Variants in LMNTD1 observed in about 807,000 individuals in gnomAD.
LMNTD1 encodes lamin tail domain containing 1, also known as lamin tail domain-containing protein 1.
LMNTD1 carries 35 observed loss-of-function variants against 50.9 expected under a neutral mutation model. The observed-to-expected ratio is 0.69, with a 90% CI of 0.53 to 0.91. The LOEUF (loss-of-function observed/expected upper bound fraction) is 0.91, where lower values mean the gene tolerates loss of function less well. LMNTD1 is among the 40% of genes least tolerant of loss of function. The pLI is 0.00. For missense variants in LMNTD1, 470 were observed against 475.5 expected (o/e 0.99, Z 0.11); for synonymous variants, 153 against 161.9 (o/e 0.94, Z 0.42).
intron 9 of LMNTD1, among the ~76,000 whole-genome samples, chr12:25,490,295 A>G (rs1194919011): frequency 1.3e-5 from 2 of 151,050 alleles, no homozygotes; most frequent in African/African-American, 4.9e-5. Flanking sequence ...GGGAAGTTCA[A>G]AGAGGGTCTA....
At chr12:25,615,232 A>T (rs536365024) in intron 1 of LMNTD1, among the ~76,000 whole-genome samples, 1 of 152,302 alleles carries the variant, frequency 6.6e-6, no homozygotes, top group African/African-American at 2.4e-5. Context: ...TGTGGGTCAC[A>T]TGCTGACCAT....
intron 1 of LMNTD1, among the ~76,000 whole-genome samples, chr12:25,639,424 C>T (rs144786891): frequency 1.3e-5 from 2 of 152,162 alleles, no homozygotes; most frequent in South Asian, 2.1e-4. Context: ...ATAAAAATCA[C>T]GTGTCCAGAA....
chr12:25,585,386 G>C (rs999461569), intron 1 of LMNTD1, among the ~76,000 whole-genome samples: 5 of 152,154 alleles, frequency 3.3e-5, no homozygotes, highest in African/African-American at 1.2e-4. Context: ...AAAATCACAT[G>C]CTGCTGCGAT....
At chr12:25,492,771 A>G (rs1938928696) in intron 9 of LMNTD1, among the ~76,000 whole-genome samples, 1 of 152,190 alleles carries the variant, frequency 6.6e-6, no homozygotes, top group African/African-American at 2.4e-5. Flanking sequence ...ATCTCTCACT[A>G]TCCTACATGC....
At chr12:25,498,743 G>C (rs1055691196) in intron 9 of LMNTD1, among the ~76,000 whole-genome samples, 3 of 152,166 alleles carry the variant, frequency 2.0e-5, no homozygotes, top group Admixed American at 2.0e-4. Flanking sequence ...AATGGTGACA[G>C]TAAAGTCCTA....
intron 4 of LMNTD1, 78 bp downstream of exon 4, chr12:25,546,296 G>C: frequency 1.2e-6 from 1 of 828,510 alleles, no homozygotes; most frequent in East Asian, 2.8e-5. Flanking sequence ...TATAACTACA[G>C]ATTAGAACTT....
chr12:25,647,868 CAAAT>C (rs1947107521), intron 1 of LMNTD1, among the ~76,000 whole-genome samples: 1 of 152,162 alleles, frequency 6.6e-6, no homozygotes, highest in Non-Finnish European at 1.5e-5. Flanking sequence ...TAGGAACTGT[CAAAT>C]AACGTTCAAA....
chr12:25,614,807 G>A (rs278997), intron 1 of LMNTD1, among the ~76,000 whole-genome samples: 14,084 of 152,066 alleles, frequency 0.093, 1,043 homozygotes, highest in African/African-American at 0.21. Flanking sequence ...TCATACTTCT[G>A]GAAACTGGAA....
intron 1 of LMNTD1, chr12:25,648,392 A>T: frequency 1.1e-6 from 1 of 924,310 alleles, no homozygotes. Flanking sequence ...GTGATGACAG[A>T]TATGACCACT....
At chr12:25,610,057 G>T (rs554210673) in intron 1 of LMNTD1, among the ~76,000 whole-genome samples, 1 of 152,140 alleles carries the variant, frequency 6.6e-6, no homozygotes, top group African/African-American at 2.4e-5. Context: ...AATGGCGGAC[G>T]CCCCTTCCCC....
At chr12:25,539,158 A>G (rs991218400) in intron 4 of LMNTD1, among the ~76,000 whole-genome samples, 3 of 145,964 alleles carry the variant, frequency 2.1e-5, no homozygotes, top group Non-Finnish European at 3.0e-5. Context: ...AACATTAGAC[A>G]GATCAACGAG....
At chr12:25,622,408 AAC>A (rs1946489673) in intron 1 of LMNTD1, among the ~76,000 whole-genome samples, 1 of 151,814 alleles carries the variant, frequency 6.6e-6, no homozygotes, top group African/African-American at 2.4e-5. Flanking sequence ...CACAGGCACT[AAC>A]ATAAAAAGAA....
intron 9 of LMNTD1, chr12:25,502,993 C>G (rs1226578778): frequency 6.6e-6 from 1 of 152,238 alleles, no homozygotes; most frequent in Non-Finnish European, 1.5e-5. Flanking sequence ...AGTTAGGGTT[C>G]ACGTGGCTGT....
chr12:25,477,992 T>C (rs1938326705), intron 9 of LMNTD1, among the ~76,000 whole-genome samples: 1 of 152,096 alleles, frequency 6.6e-6, no homozygotes, highest in South Asian at 2.1e-4. Context: ...AGATGTAGGC[T>C]GGAAGGCTAG....
At position 25,476,129 on chromosome 12, in the gene LMNTD1, C is replaced by G. The variant is rs1272788962; in HGVS notation, c.*354G>C. The stretch of plus-strand genomic sequence containing the variant: ...TCAATGTAAAATGGTTAAACAATTG[C>G]ACGTGCTCTTCTTTTGTGAGTTCTG... On this transcript the variant is annotated 3_prime_UTR_variant, in exon 10 of 10. Coordinates refer to ENST00000458174, the MANE Select transcript of LMNTD1 (RefSeq NM_001145728.2). The G allele has an allele frequency of 1.3e-5, 2 of 152,166 alleles. No individual in the cohort carries two copies. Among genetic ancestry groups the G allele is most frequent in the Non-Finnish European group, 2.9e-5 (2 of 68,040 alleles). The allele number at this position is 152,166 out of a possible 1,614,324, so 9.4% of individuals were successfully genotyped here. A position where few individuals can be genotyped will look rare whatever the true frequency, so the allele number is the denominator to read the frequency against.
chr12:25,575,217 G>A (rs943964352), intron 1 of LMNTD1, among the ~76,000 whole-genome samples: 2 of 151,924 alleles, frequency 1.3e-5, no homozygotes, highest in Non-Finnish European at 1.5e-5. Flanking sequence ...ACACCCCAAG[G>A]GATTTTTATT....
chr12:25,643,580 A>G (rs772864987), intron 1 of LMNTD1, among the ~76,000 whole-genome samples: 18 of 152,224 alleles, frequency 1.2e-4, no homozygotes, highest in African/African-American at 2.7e-4. Flanking sequence ...GAATTGTGCC[A>G]CATGTGCATT....
At chr12:25,582,936 C>T (rs931208404) in intron 1 of LMNTD1, among the ~76,000 whole-genome samples, 7 of 152,022 alleles carry the variant, frequency 4.6e-5, no homozygotes, top group African/African-American at 1.7e-4. Context: ...CAACCTTGAC[C>T]TCCAGGGCTC....
intron 9 of LMNTD1, among the ~76,000 whole-genome samples, chr12:25,482,190 A>G (rs1241613980): frequency 6.6e-6 from 1 of 152,040 alleles, no homozygotes; most frequent in Non-Finnish European, 1.5e-5. Flanking sequence ...TTTGAAAGTT[A>G]TGAGGTAAAG....
Sources: allele counts gnomAD v4.1 joint callset (sites outside exome capture counted in the v4.1 genomes callset), GRCh38; gene constraint gnomAD v4.1.1; transcripts MANE v1.5; gene names NCBI Gene and HGNC (gene_info 2026-07-23, HGNC 2026-07-21).